Variants in SLC48A1 observed in about 807,000 individuals in gnomAD.
SLC48A1 encodes solute carrier family 48 member 1.
In SLC48A1, 6 loss-of-function variants were observed where a neutral mutation model predicts 14.8. That is an observed-to-expected ratio of 0.41 (90% CI 0.22 to 0.80). SLC48A1 has a LOEUF of 0.80. Among genes scored for constraint, SLC48A1 ranks in the 30% least tolerant of loss-of-function variants. The pLI is 0.34. For missense variants in SLC48A1, 165 were observed against 204.8 expected (o/e 0.81, Z 1.19); for synonymous variants, 89 against 90.0 (o/e 0.99, Z 0.06).
At position 47,760,402 on chromosome 12, in the gene SLC48A1, G is replaced by A. The variant is rs1356210749; in HGVS notation, c.-187+1G>A. 2.0e-6 allele frequency: 2 copies of A among 985,470 alleles called. No individual in the cohort carries two copies. The highest frequency in any genetic ancestry group is 2.4e-6 in the Non-Finnish European group (2 of 829,946). The allele number at this position is 985,470 out of a possible 1,614,324, so 61.0% of individuals were successfully genotyped here. On this transcript the variant is annotated splice_donor_variant, in intron 2 of 4. Transcript: ENST00000547002. LOFTEE classifies it low-confidence loss of function (5UTR_SPLICE). ...AAGGATGACAAGTTGGGAGTCACAG[G>A]TATGCATGGGGAAGAGTTAGGGGGA...
chr12:47,755,010 G>T (rs1565768679), upstream of SLC48A1, among the ~76,000 whole-genome samples: 1 of 152,206 alleles, frequency 6.6e-6, no homozygotes, highest in Non-Finnish European at 1.5e-5. Context: ...CAGTTCCCTT[G>T]GGCCATAGCT....
chr12:47,778,414 A>C (rs1182970982), intron 1 of SLC48A1: 1 of 152,488 alleles, frequency 6.6e-6, no homozygotes, highest in African/African-American at 2.4e-5. Context: ...CTGCAAAACC[A>C]ACTCAGGCAG....
At chr12:47,778,765 T>C (rs1173712993) in intron 1 of SLC48A1, 1 of 420,162 alleles carries the variant, frequency 2.4e-6, no homozygotes, top group Non-Finnish European at 4.2e-6. Flanking sequence ...GAGATATTCA[T>C]GTTTTCCAAA....
At chr12:47,758,965 G>A in intron 1 of SLC48A1, 3 of 1,009,472 alleles carry the variant, frequency 3.0e-6, no homozygotes, top group Non-Finnish European at 3.5e-6. Flanking sequence ...GGGCGGGGTG[G>A]AGGCGCCCTG....
In SLC48A1 at chr12:47,765,549, G is replaced by A. The variant is rs546886746; in HGVS notation, c.-187+5148G>A. Among the ~76,000 whole-genome samples the A allele has an allele frequency of 3.3e-5, 5 of 152,362 alleles. No individual in the cohort carries two copies. The East Asian group carries it at 9.6e-4, about 29-fold the overall frequency. ...TTCTCCCCAAGCCCAGCCTCCTGGG[G>A]CCTCAGCTGAGGGTGCCTGCTGGGC... On this transcript the variant is annotated intron_variant, in intron 2 of 4. Coordinates refer to the SLC48A1 transcript ENST00000547002.
chr12:47,773,809 AACACACACACAC>A (rs34356737), intron 1 of SLC48A1, among the ~76,000 whole-genome samples: 1 of 150,632 alleles, frequency 6.6e-6, no homozygotes, highest in Non-Finnish European at 1.5e-5. Flanking sequence ...CCTATCCCCA[AACACACACACAC>A]ACACACACGC....
At chr12:47,763,820 A>T (rs575755995) in intron 2 of SLC48A1, among the ~76,000 whole-genome samples, 7 of 152,318 alleles carry the variant, frequency 4.6e-5, no homozygotes, top group Non-Finnish European at 1.5e-5. Context: ...GCTCACAGTC[A>T]GGGCTGGGAG....
upstream of SLC48A1, chr12:47,768,657 GACCCAGCATTGTGGGAGAAGAT>G (rs1298968635): frequency 6.6e-6 from 1 of 152,216 alleles, no homozygotes; most frequent in Non-Finnish European, 1.5e-5. Context: ...GTGTATCCTT[GACCCAGCATTGTGGGAGAAGAT>G]ATGTCTGGAA....
At position 47,773,450 on chromosome 12, in the gene SLC48A1, G is replaced by A. The variant is rs893366841; in HGVS notation, c.136+10G>A. 3 of 1,356,374 alleles carry A rather than the reference G, an allele frequency of 2.2e-6. No homozygotes were observed. The highest frequency in any genetic ancestry group is 1.5e-5 in the African/African-American group (1 of 65,126). 84.0% of individuals were successfully genotyped at this position (1,356,374 alleles called of 1,614,324 possible). A position where few individuals can be genotyped will look rare whatever the true frequency, so the allele number is the denominator to read the frequency against. On this transcript the variant is annotated intron_variant, in intron 1 of 2. Transcript: ENST00000442218. ...ATGGGAGGGCTCGCAGGTACCCCGG[G>A]ACGCTGGGCGGCGCGGGGCGGGTGC... is the stretch of plus-strand genomic sequence containing the variant.
At chr12:47,772,651 C>T (rs57239884), upstream of SLC48A1, among the ~76,000 whole-genome samples, 1,720 of 151,534 alleles carry the variant, frequency 0.011, 40 homozygotes, top group African/African-American at 0.039. Flanking sequence ...TACTCCTGCC[C>T]GGGCAACAGA....
intron 2 of SLC48A1, among the ~76,000 whole-genome samples, chr12:47,766,043 A>C (rs1462460884): frequency 6.6e-6 from 1 of 152,130 alleles, no homozygotes; most frequent in African/African-American, 2.4e-5. Context: ...AAGAAGTATC[A>C]TGAGATGTGG....
At chr12:47,773,144 C>A, upstream of SLC48A1, 1 of 964,972 alleles carries the variant, frequency 1.0e-6, no homozygotes. Flanking sequence ...CGGCCTCCGG[C>A]CGGGGAGGGC....
At chr12:47,780,014 C>A in intron 2 of SLC48A1, 131 bp from the exon 3 acceptor site, 8 of 1,175,466 alleles carry the variant, frequency 6.8e-6, no homozygotes, top group Non-Finnish European at 9.3e-6. Context: ...CAGTGTCTTT[C>A]TGAAGGGTTG....
intron 1 of SLC48A1, among the ~76,000 whole-genome samples, chr12:47,773,977 C>T (rs1285427178): frequency 6.6e-6 from 1 of 152,242 alleles, no homozygotes; most frequent in Non-Finnish European, 1.5e-5. Context: ...CAGAGGGCTC[C>T]CCCGCAGAGC....
In SLC48A1 at chr12:47,762,833, T is replaced by C. The variant is rs150778977; in HGVS notation, c.-187+2432T>C. Among the ~76,000 whole-genome samples, 356 of 152,350 alleles carry C rather than the reference T, an allele frequency of 2.3e-3. 4 individuals carry two copies. Among genetic ancestry groups the C allele is most frequent in the South Asian group, 5.0e-3 (24 of 4,824 alleles). On this transcript the variant is annotated intron_variant, in intron 2 of 4. Coordinates refer to the SLC48A1 transcript ENST00000547002. The stretch of plus-strand genomic sequence containing the variant: ...ACCTTGCCTCGCTCAGTCCTTACTA[T>C]GCAATGCCACAAGAATATTCAAGGA...
chr12:47,780,499 T>A lies in SLC48A1; in HGVS notation c.*218T>A, dbSNP rs2136873038. ...GGGGATCCTGCCATGTTGCTCCTCA[T>A]CAGCCTGGCCAGAGGGCAGCTTTAG... On this transcript the variant is annotated 3_prime_UTR_variant, in exon 3 of 3. Transcript: ENST00000442218. 1 of 785,254 alleles carries A rather than the reference T, an allele frequency of 1.3e-6. No homozygotes were observed. Among genetic ancestry groups the A allele is most frequent in the Non-Finnish European group, 2.3e-6 (1 of 426,200 alleles). 48.6% of individuals were successfully genotyped at this position (785,254 alleles called of 1,614,324 possible). A position where few individuals can be genotyped will look rare whatever the true frequency, so the allele number is the denominator to read the frequency against.
In SLC48A1 at chr12:47,779,149, C is replaced by T. The variant is rs780874242; in HGVS notation, c.258C>T (p.Ile86=). The T allele has an allele frequency of 3.5e-5, 54 of 1,551,760 alleles. No homozygotes were observed. The highest frequency in any genetic ancestry group is 3.9e-5 in the Admixed American group (2 of 50,996). Residue 86 remains isoleucine, a synonymous_variant, in exon 2 of 3, where the codon ATC becomes ATT. Coordinates refer to ENST00000442218, the MANE Select transcript of SLC48A1 (RefSeq NM_017842.3). ...FVGVLFSAVS[I]AAFCTFLVLA... ...GCGTCCTCTTCTCGGCCGTCTCCAT[C>T]GCTGCCTTCTGCACCTTCCTCGTGC... is the stretch of plus-strand genomic sequence containing the variant.
chr12:47,773,462 C>T, intron 1 of SLC48A1, 22 bp downstream of exon 1: 1 of 1,318,884 alleles, frequency 7.6e-7, no homozygotes, highest in Non-Finnish European at 9.7e-7. Flanking sequence ...CGCTGGGCGG[C>T]GCGGGGCGGG....
At chr12:47,765,199 G>C (rs775495450) in intron 2 of SLC48A1, among the ~76,000 whole-genome samples, 1 of 150,804 alleles carries the variant, frequency 6.6e-6, no homozygotes, top group Non-Finnish European at 1.5e-5. Flanking sequence ...GTGGGATCCA[G>C]AGAGAGAAAC....
Sources: allele counts gnomAD v4.1 joint callset (sites outside exome capture counted in the v4.1 genomes callset), GRCh38; gene constraint gnomAD v4.1.1; transcripts MANE v1.5; gene names NCBI Gene and HGNC (gene_info 2026-07-23, HGNC 2026-07-21).